Variants in FANK1 observed in about 807,000 individuals in gnomAD.
FANK1 encodes fibronectin type 3 and ankyrin repeat domains protein 1.
In FANK1, 44 loss-of-function variants were observed where a neutral mutation model predicts 45.3. That is an observed-to-expected ratio of 0.97 (90% CI 0.76 to 1.25). The LOEUF (loss-of-function observed/expected upper bound fraction) is 1.25. FANK1 is among the 50% of genes most tolerant of loss of function. FANK1 has a pLI of 0.00. For synonymous variants in FANK1, 149 were observed against 152.5 expected, an observed-to-expected ratio of 0.98 and a Z score of 0.17; for missense variants, 391 against 424.4, an observed-to-expected ratio of 0.92 and a Z score of 0.69.
At chr10:125,931,982 T>C (rs188727919) in intron 1 of FANK1, among the ~76,000 whole-genome samples, 4 of 151,398 alleles carry the variant, frequency 2.6e-5, no homozygotes, top group African/African-American at 9.7e-5. Flanking sequence ...CCCACTTTGT[T>C]TGGTTTGTTG....
intron 1 of FANK1, among the ~76,000 whole-genome samples, chr10:125,937,488 A>G (rs1416171908): frequency 6.6e-6 from 1 of 152,182 alleles, no homozygotes; most frequent in East Asian, 1.9e-4. Context: ...AGAATGTCAT[A>G]TTTGGAAAGA....
chr10:126,001,017 C>G (rs1952719471), intron 6 of FANK1, among the ~76,000 whole-genome samples: 1 of 152,164 alleles, frequency 6.6e-6, no homozygotes, highest in South Asian at 2.1e-4. Context: ...CCTGTACTTT[C>G]AAATATAGTT....
chr10:126,002,199 C>T (rs557826226), intron 6 of FANK1, among the ~76,000 whole-genome samples: 3 of 152,032 alleles, frequency 2.0e-5, no homozygotes, highest in Admixed American at 1.3e-4. Context: ...GTAATCCCAG[C>T]TACTTGAGGG....
intron 1 of FANK1, among the ~76,000 whole-genome samples, chr10:125,902,073 A>G (rs563660556): frequency 6.6e-6 from 1 of 152,120 alleles, no homozygotes; most frequent in East Asian, 1.9e-4. Context: ...GAGCCGAGAT[A>G]GCACCACTGT....
At chr10:125,931,976 CTTTG>C (rs1273845765) in intron 1 of FANK1, among the ~76,000 whole-genome samples, 2 of 151,362 alleles carry the variant, frequency 1.3e-5, no homozygotes, top group African/African-American at 4.8e-5. Flanking sequence ...CTTTTCCCCA[CTTTG>C]TTTGGTTTGT....
At chr10:125,970,560 C>T (rs1473645050) in intron 1 of FANK1, among the ~76,000 whole-genome samples, 1 of 152,234 alleles carries the variant, frequency 6.6e-6, no homozygotes, top group Non-Finnish European at 1.5e-5. Context: ...CGTCTGCAAT[C>T]CCGGCGCCTC....
At position 125,995,571 on chromosome 10, in the gene FANK1, A is replaced by G. The variant is rs1952268800; in HGVS notation, c.398+73A>G. On this transcript the variant is annotated intron_variant, in intron 4 of 10. Transcript: ENST00000368693. ...GCATAGAAATACATGCAGTAGTTTC[A>G]TTTTGTTTTCCTAAAAATTCCCATG... The G allele has an allele frequency of 2.8e-6, 4 of 1,433,410 alleles. No homozygotes were observed. In the South Asian group the frequency reaches 3.5e-5, roughly 12 times the overall value. 88.8% of individuals were successfully genotyped at this position (1,433,410 alleles called of 1,614,324 possible). A position where few individuals can be genotyped will look rare whatever the true frequency, so the allele number is the denominator to read the frequency against.
At chr10:126,008,956 G>C in intron 8 of FANK1, 98 bp from the exon 9 acceptor site, 1 of 1,128,122 alleles carries the variant, frequency 8.9e-7, no homozygotes, top group South Asian at 1.4e-5. Context: ...GGTTGCAGGG[G>C]GGCTGCTGGG....
chr10:125,980,311 A>C lies in FANK1; in HGVS notation c.164A>C (p.Lys55Thr). The C allele has an allele frequency of 6.2e-7, 1 of 1,614,118 alleles. No individual in the cohort carries two copies. Among genetic ancestry groups the C allele is most frequent in the Non-Finnish European group, 8.5e-7 (1 of 1,180,028 alleles). ...TTCTCGATTGAAGAAGAAGACCCCA[A>C]AATGCACACTTATGGTATCATTTAT... The part of the protein sequence containing the change: ...FRFSIEEEDP[K>T]MHTYGIIYTG... The change falls in exon 2 of 11, where the codon AAA (lysine) becomes ACA (threonine). Residue 55 changes from lysine to threonine, a missense_variant. By Grantham distance (78) the Lys-to-Thr change is moderately conservative. Transcript: ENST00000368693.
chr10:126,005,052 A>T lies in FANK1; in HGVS notation c.705+3A>T, dbSNP rs750890907. 2.5e-6 allele frequency: 4 copies of T among 1,611,838 alleles called. No homozygotes were observed. In the Admixed American group the frequency reaches 6.7e-5, roughly 27 times the overall value. On this transcript the variant is annotated splice_donor_region_variant and intron_variant, in intron 7 of 10. Coordinates refer to ENST00000368693, the MANE Select transcript of FANK1 (RefSeq NM_145235.5). ...GGATGATAAAGGATGGCTGTGAGGT[A>T]CGGGACCTGCCTTGTTAACCACGCA...
chr10:125,896,627 CG>C lies in FANK1; in HGVS notation c.-12del. 1 of 1,286,178 alleles carries C rather than the reference CG, an allele frequency of 7.8e-7. No individual in the cohort carries two copies. Among genetic ancestry groups the C allele is most frequent in the South Asian group, 3.7e-5 (1 of 27,344 alleles). The allele number at this position is 1,286,178 out of a possible 1,614,324, so 79.7% of individuals were successfully genotyped here. ...AGTCCGGGGGTTCGCCCGCGGAGGC[CG>C]GGGAGCAGCCGACCATGGAGCCCCA... On this transcript the variant is annotated 5_prime_UTR_variant, in exon 1 of 11. Coordinates refer to ENST00000368693, the MANE Select transcript of FANK1 (RefSeq NM_145235.5).
At chr10:125,913,488 C>G (rs961273108) in intron 1 of FANK1, among the ~76,000 whole-genome samples, 11 of 152,356 alleles carry the variant, frequency 7.2e-5, no homozygotes, top group African/African-American at 2.6e-4. Context: ...AACTTGATTA[C>G]AGATAACTTC....
chr10:126,009,407 A>AG lies in FANK1; in HGVS notation c.1008dup (p.Gln337AlafsTer27). 6.2e-7 allele frequency: 1 copy of AG among 1,614,154 alleles called. No individual in the cohort carries two copies. The highest frequency in any genetic ancestry group is 1.1e-5 in the South Asian group (1 of 91,066). On this transcript the variant is annotated frameshift_variant, in exon 11 of 11. Transcript: ENST00000368693. LOFTEE classifies it high-confidence loss of function. ...TCCTTATTAGAAGAAAGGAAAAAAA[A>AG]GCAGAGGCCAAAGAAGTCTTGTGTC... is the stretch of plus-strand genomic sequence containing the variant.
At chr10:125,960,230 A>AG (rs540425712) in intron 1 of FANK1, 24 of 291,996 alleles carry the variant, frequency 8.2e-5, no homozygotes, top group Non-Finnish European at 1.5e-4. Context: ...GGACTCCAGG[A>AG]GGGGGGTTAC....
chr10:125,981,496 C>CA (rs60627576), intron 2 of FANK1, among the ~76,000 whole-genome samples: 35,297 of 117,084 alleles, frequency 0.3, 5,149 homozygotes, highest in East Asian at 0.44. Context: ...GACCCTGTCT[C>CA]AAAAAAAAAA....
At chr10:125,902,504 A>T (rs1945126279) in intron 1 of FANK1, among the ~76,000 whole-genome samples, 1 of 152,234 alleles carries the variant, frequency 6.6e-6, no homozygotes, top group African/African-American at 2.4e-5. Flanking sequence ...ATTCTACAAC[A>T]CAAAGGGCTG....
chr10:126,008,446 A>G lies in FANK1; in HGVS notation c.745A>G (p.Met249Val). The change falls in exon 8 of 11, where the codon ATG becomes GTG. Residue 249 changes from methionine to valine, a missense_variant. Transcript: ENST00000368693. Reference sequence around the variant, plus strand: ...CACTGGTTCAGGATGGACCCCACTCATGAGAGTCTCTGCGGTGTCGGGAAA... The same window carrying G: ...CACTGGTTCAGGATGGACCCCACTCGTGAGAGTCTCTGCGGTGTCGGGAAA... ...VDTGSGWTPL[M>V]RVSAVSGNQR... The G allele has an allele frequency of 1.9e-6, 3 of 1,613,082 alleles. No homozygotes were observed. Among genetic ancestry groups the G allele is most frequent in the Middle Eastern group, 1.7e-4 (1 of 6,056 alleles).
At chr10:125,920,760 C>T (rs535733933) in intron 1 of FANK1, among the ~76,000 whole-genome samples, 2 of 152,092 alleles carry the variant, frequency 1.3e-5, no homozygotes, top group Admixed American at 6.5e-5. Flanking sequence ...AGGTGAGGCC[C>T]TTGATTAGAA....
chr10:125,966,088 C>T (rs1339689762), intron 1 of FANK1, among the ~76,000 whole-genome samples: 1 of 152,156 alleles, frequency 6.6e-6, no homozygotes, highest in Non-Finnish European at 1.5e-5. Flanking sequence ...TTCCCCATTA[C>T]TACTCTAGGG....
Sources: gnomAD v4.1 joint callset for allele counts (sites outside exome capture counted in the v4.1 genomes callset) on GRCh38, gnomAD v4.1.1 for gene constraint, MANE v1.5 for transcripts, NCBI Gene and HGNC (gene_info 2026-07-23, HGNC 2026-07-21) for gene names.